Variants in CPXM2 observed in about 807,000 individuals in gnomAD.
CPXM2 encodes the protein carboxypeptidase X, M14 family member 2.
CPXM2 carries 66 observed loss-of-function variants against 86.1 expected under a neutral mutation model. The observed-to-expected ratio is 0.77, with a 90% CI of 0.63 to 0.94. The LOEUF is 0.94. Ranked by LOEUF, CPXM2 falls within the 40% of genes least tolerant of loss-of-function variation. CPXM2 has a pLI of 0.00. For missense variants in CPXM2, 948 were observed against 1,026.3 expected, an observed-to-expected ratio of 0.92 and a Z score of 1.04; for synonymous variants, 388 against 400.2, an observed-to-expected ratio of 0.97 and a Z score of 0.36.
At chr10:123,757,078 C>T in intron 12 of CPXM2, 135 bp downstream of exon 12, 1 of 758,560 alleles carries the variant, frequency 1.3e-6, no homozygotes, top group Non-Finnish European at 2.2e-6. Context: ...CACACAGTGG[C>T]TCCTCGCAGC....
intron 4 of CPXM2, among the ~76,000 whole-genome samples, chr10:123,827,204 A>T (rs1848066589): frequency 6.6e-6 from 1 of 152,208 alleles, no homozygotes; most frequent in South Asian, 2.1e-4. Context: ...AATAAAAATT[A>T]AAAATCCAAA....
intron 2 of CPXM2, among the ~76,000 whole-genome samples, chr10:123,900,681 T>C (rs1162747728): frequency 6.6e-6 from 1 of 152,240 alleles, no homozygotes; most frequent in African/African-American, 2.4e-5. Flanking sequence ...AACATGTGTC[T>C]GTCATAATTA....
At chr10:123,768,376 A>AAAT (rs1846537951) in intron 9 of CPXM2, 150 bp downstream of exon 9, 34 of 322,096 alleles carry the variant, frequency 1.1e-4, no homozygotes, top group African/African-American at 7.4e-4. Flanking sequence ...TCCGACTCAA[A>AAAT]AAATAAATAA....
At chr10:123,934,675 C>A (rs1187997069) in intron 2 of CPXM2, among the ~76,000 whole-genome samples, 2 of 152,138 alleles carry the variant, frequency 1.3e-5, no homozygotes, top group Non-Finnish European at 2.9e-5. Context: ...GAACCACGCA[C>A]CAGGAACAAG....
At chr10:123,909,499 A>G (rs527322772) in intron 2 of CPXM2, among the ~76,000 whole-genome samples, 9 of 152,216 alleles carry the variant, frequency 5.9e-5, no homozygotes, top group Non-Finnish European at 1.0e-4. Flanking sequence ...AAGCCCGGCC[A>G]GGCGCTGCTT....
At chr10:123,920,924 C>T (rs7083851) in intron 2 of CPXM2, among the ~76,000 whole-genome samples, 12,750 of 152,152 alleles carry the variant, frequency 0.084, 623 homozygotes, top group Admixed American at 0.1. Flanking sequence ...AAGGCCTTCA[C>T]AAGATGCTGG....
At chr10:123,845,277 C>A (rs1460445351) in intron 3 of CPXM2, among the ~76,000 whole-genome samples, 5 of 151,690 alleles carry the variant, frequency 3.3e-5, no homozygotes, top group African/African-American at 1.2e-4. Context: ...CAGCTCCTTC[C>A]CCCAACCAGC....
chr10:123,753,786 T>C (rs1846133867), intron 13 of CPXM2, among the ~76,000 whole-genome samples: 1 of 152,212 alleles, frequency 6.6e-6, no homozygotes, highest in Admixed American at 6.5e-5. Flanking sequence ...ATGTCAGCAC[T>C]GCCTTTTAGA....
intron 2 of CPXM2, among the ~76,000 whole-genome samples, chr10:123,920,044 C>T (rs1400289464): frequency 3.3e-5 from 5 of 152,180 alleles, no homozygotes; most frequent in Non-Finnish European, 7.3e-5. Flanking sequence ...ACACCTCACA[C>T]CATGCCCCTT....
chr10:123,879,660 T>C (rs1945049124), intron 2 of CPXM2, among the ~76,000 whole-genome samples: 1 of 152,166 alleles, frequency 6.6e-6, no homozygotes, highest in Non-Finnish European at 1.5e-5. Context: ...ATGGTAGTAG[T>C]TAATAGTAAT....
chr10:123,860,166 C>T (rs1258713408), intron 3 of CPXM2, among the ~76,000 whole-genome samples: 2 of 152,194 alleles, frequency 1.3e-5, no homozygotes, highest in Non-Finnish European at 2.9e-5. Context: ...CAAGACCAAC[C>T]TGGGACTTTC....
intron 4 of CPXM2, among the ~76,000 whole-genome samples, chr10:123,817,026 T>C (rs1847827220): frequency 6.6e-6 from 1 of 152,238 alleles, no homozygotes; most frequent in Admixed American, 6.5e-5. Context: ...GTGTGGGACC[T>C]GTCAAGGTAT....
chr10:123,858,900 C>T (rs1848796875), intron 3 of CPXM2, among the ~76,000 whole-genome samples: 1 of 152,212 alleles, frequency 6.6e-6, no homozygotes, highest in Non-Finnish European at 1.5e-5. Context: ...TTTTTCTTTA[C>T]TCCTTTTGAC....
At chr10:123,789,348 C>T (rs1394806659) in intron 6 of CPXM2, among the ~76,000 whole-genome samples, 4 of 152,158 alleles carry the variant, frequency 2.6e-5, no homozygotes, top group African/African-American at 9.7e-5. Context: ...TCCTATGTCC[C>T]CATCTCACGA....
At chr10:123,861,481 T>A (rs78994274) in intron 3 of CPXM2, among the ~76,000 whole-genome samples, 1 of 152,204 alleles carries the variant, frequency 6.6e-6, no homozygotes, top group East Asian at 1.9e-4. Flanking sequence ...GCAGAACCTG[T>A]GCATATATTA....
intron 7 of CPXM2, among the ~76,000 whole-genome samples, chr10:123,779,336 C>T (rs762310652): frequency 1.3e-4 from 20 of 152,272 alleles, no homozygotes; most frequent in Admixed American, 1.1e-3. Flanking sequence ...ATAAACACAC[C>T]GTCCCTTCCC....
intron 6 of CPXM2, among the ~76,000 whole-genome samples, chr10:123,790,792 C>T (rs1847188995): frequency 6.6e-6 from 1 of 152,088 alleles, no homozygotes; most frequent in South Asian, 2.1e-4. Flanking sequence ...ACAGGCACCC[C>T]ATACGTATTT....
chr10:123,932,038 G>T (rs1305658060), intron 2 of CPXM2, among the ~76,000 whole-genome samples: 1 of 152,174 alleles, frequency 6.6e-6, no homozygotes, highest in Admixed American at 6.5e-5. Flanking sequence ...CAGGGTGACA[G>T]TGTTGATTAA....
At chr10:123,781,082 C>G (rs2134029558) in intron 6 of CPXM2, among the ~76,000 whole-genome samples, 1 of 152,360 alleles carries the variant, frequency 6.6e-6, no homozygotes, top group South Asian at 2.1e-4. Context: ...CTAAGAACAA[C>G]TGAATCAACC....
Sources: allele counts gnomAD v4.1 joint callset (sites outside exome capture counted in the v4.1 genomes callset), GRCh38; gene constraint gnomAD v4.1.1; transcripts MANE v1.5; gene names NCBI Gene and HGNC (gene_info 2026-07-23, HGNC 2026-07-21).